SRGAP2B: variants seen among roughly 807,000 people sequenced by gnomAD.
SRGAP2B encodes SLIT-ROBO Rho GTPase-activating protein 2B.
In SRGAP2B, 9 loss-of-function variants were observed where a neutral mutation model predicts 22.2. That is an observed-to-expected ratio of 0.41 (90% CI 0.24 to 0.71). The LOEUF (loss-of-function observed/expected upper bound fraction) is 0.71, where lower values mean the gene tolerates loss of function less well. Ranked by LOEUF, SRGAP2B falls within the 30% of genes least tolerant of loss-of-function variation. SRGAP2B has a pLI of 0.35. For synonymous variants in SRGAP2B, 36 were observed against 87.4 expected, an observed-to-expected ratio of 0.41 and a Z score of 3.28; for missense variants, 114 against 235.8, an observed-to-expected ratio of 0.48 and a Z score of 3.38.
chr1:145,068,848 A>T (rs1651797015), intron 2 of SRGAP2B, among the ~76,000 whole-genome samples: 1 of 148,802 alleles, frequency 6.7e-6, no homozygotes, highest in Non-Finnish European at 1.5e-5. Context: ...TATAGAAATT[A>T]CAAATAGTTA....
At chr1:144,942,578 C>G (rs1666133829) in intron 4 of SRGAP2B, among the ~76,000 whole-genome samples, 1 of 150,498 alleles carries the variant, frequency 6.6e-6, no homozygotes, top group Non-Finnish European at 1.5e-5. Context: ...CACCACGACG[C>G]CTGGCTAATT....
At chr1:144,997,503 G>C (rs1264755273) in intron 2 of SRGAP2B, among the ~76,000 whole-genome samples, 1 of 149,858 alleles carries the variant, frequency 6.7e-6, no homozygotes, top group Non-Finnish European at 1.5e-5. Flanking sequence ...ATCAGTAACA[G>C]ATGTACAGGG....
At chr1:145,081,230 C>T (rs1217405846) in intron 2 of SRGAP2B, among the ~76,000 whole-genome samples, 6 of 148,340 alleles carry the variant, frequency 4.0e-5, no homozygotes, top group Non-Finnish European at 5.9e-5. Flanking sequence ...ATAATAGCAG[C>T]TACCTCACAG....
rs61822916 is a variant in SRGAP2B, at chr1:144,979,111, C to T, written c.260+15897G>A. 1.2e-3 allele frequency among the ~76,000 whole-genome samples: 175 copies of T among 151,848 alleles called. 1 individual carries two copies. The highest frequency in any genetic ancestry group is 1.7e-3 in the Non-Finnish European group (116 of 67,942). ...AGGCTGGAGTGCAGTGGCGCGATCT[C>T]GACTCACTGAAAGCTCCGCCTCCTG... On this transcript the variant is annotated intron_variant, in intron 3 of 9. Coordinates refer to ENST00000612199, the Ensembl canonical transcript of SRGAP2B.
At position 144,902,840 on chromosome 1, in the gene SRGAP2B, A is replaced by G. The variant is rs1279312620; in HGVS notation, c.831+2251T>C. Among the ~76,000 whole-genome samples the G allele has an allele frequency of 4.1e-3, 433 of 105,022 alleles. 11 individuals carry two copies. Among genetic ancestry groups the G allele is most frequent in the Middle Eastern group, 9.5e-3 (2 of 210 alleles). The allele number at this position is 105,022 out of a possible 152,430, so 68.9% of individuals were successfully genotyped here. A position where few individuals can be genotyped will look rare whatever the true frequency, so the allele number is the denominator to read the frequency against. On this transcript the variant is annotated intron_variant, in intron 7 of 9. Coordinates refer to ENST00000612199, the Ensembl canonical transcript of SRGAP2B. The stretch of plus-strand genomic sequence containing the variant: ...TTTGATCCCAGTGATCTAGACCCAC[A>G]CCCTGCCAAGTACTAAGGCAGCCTC...
chr1:145,063,007 G>A (rs1188019320), intron 2 of SRGAP2B, among the ~76,000 whole-genome samples: 14 of 150,234 alleles, frequency 9.3e-5, no homozygotes, highest in East Asian at 1.9e-4. Context: ...ACTTACTTGC[G>A]TTCTAAACTT....
intron 3 of SRGAP2B, chr1:144,964,960 AG>A (rs1268332730): frequency 7.7e-6 from 10 of 1,301,036 alleles, no homozygotes; most frequent in African/African-American, 1.5e-5. Flanking sequence ...GAGGACACAG[AG>A]CCGCGCCGCC....
chr1:145,013,041 C>A (rs1672173712), intron 2 of SRGAP2B, among the ~76,000 whole-genome samples: 1 of 150,834 alleles, frequency 6.6e-6, no homozygotes, highest in South Asian at 2.1e-4. Flanking sequence ...CGAGATCACA[C>A]CGCTGCACTC....
intron 2 of SRGAP2B, among the ~76,000 whole-genome samples, chr1:145,012,976 A>G (rs1365615086): frequency 6.6e-6 from 1 of 150,512 alleles, no homozygotes; most frequent in Non-Finnish European, 1.5e-5. Context: ...CCAGCTACTC[A>G]GGAAGCCAAG....
chr1:145,036,196 CTT>C (rs587722606), intron 2 of SRGAP2B, among the ~76,000 whole-genome samples: 5 of 104,790 alleles, frequency 4.8e-5, no homozygotes, highest in Admixed American at 9.4e-5. Flanking sequence ...GCCAGACAAG[CTT>C]TTTTTTTTTT....
intron 3 of SRGAP2B, among the ~76,000 whole-genome samples, chr1:144,959,132 G>GT (rs1667490118): frequency 6.7e-6 from 1 of 149,586 alleles, no homozygotes. Flanking sequence ...CAGCAGCAAG[G>GT]TTCAATCACA....
intron 2 of SRGAP2B, among the ~76,000 whole-genome samples, chr1:145,015,528 G>T (rs1442497667): frequency 7.0e-6 from 1 of 143,596 alleles, no homozygotes; most frequent in Non-Finnish European, 1.5e-5. Flanking sequence ...AGAAGTAATT[G>T]CAATGTAAAA....
intron 3 of SRGAP2B, among the ~76,000 whole-genome samples, chr1:144,957,185 CA>C (rs2101943328): frequency 6.6e-6 from 1 of 151,076 alleles, no homozygotes; most frequent in Admixed American, 6.6e-5. Flanking sequence ...ACTCCTACTA[CA>C]AGGAAAGTGA....
At chr1:144,997,235 T>C (rs587697403) in intron 2 of SRGAP2B, among the ~76,000 whole-genome samples, 1 of 150,762 alleles carries the variant, frequency 6.6e-6, no homozygotes, top group East Asian at 1.9e-4. Flanking sequence ...GAGACCATCA[T>C]GGCTAACATG....
At chr1:144,962,954 T>A (rs1325817419) in intron 3 of SRGAP2B, among the ~76,000 whole-genome samples, 2 of 151,538 alleles carry the variant, frequency 1.3e-5, no homozygotes, top group Non-Finnish European at 2.9e-5. Flanking sequence ...ATGGCTTTCC[T>A]GCTCCTAAAC....
In SRGAP2B at chr1:144,969,975, A is replaced by G. The variant is rs1246546976; in HGVS notation, c.261-14374T>C. ...TCATCTCACACCAGTTAGAATGGCA[A>G]TCATTAAAAAGTCAGGAAACAACAG... On this transcript the variant is annotated intron_variant, in intron 3 of 9. Coordinates refer to ENST00000612199, the Ensembl canonical transcript of SRGAP2B. Among the ~76,000 whole-genome samples, 37 of 150,750 alleles carry G rather than the reference A, an allele frequency of 2.5e-4. 2 individuals carry two copies. Among genetic ancestry groups the G allele is most frequent in the African/African-American group, 8.9e-4 (36 of 40,262 alleles).
intron 4 of SRGAP2B, among the ~76,000 whole-genome samples, chr1:144,954,526 G>A (rs1194788045): frequency 6.7e-6 from 1 of 150,292 alleles, no homozygotes; most frequent in Non-Finnish European, 1.5e-5. Flanking sequence ...TTGCCTTCTG[G>A]AAAGTCTTCC....
At chr1:144,922,658 T>C (rs1274466567) in intron 4 of SRGAP2B, among the ~76,000 whole-genome samples, 1 of 150,346 alleles carries the variant, frequency 6.7e-6, no homozygotes, top group Non-Finnish European at 1.5e-5. Context: ...TTCCTCCAGA[T>C]AGATTAAACA....
At chr1:145,039,431 T>C (rs1256942888) in intron 2 of SRGAP2B, among the ~76,000 whole-genome samples, 2 of 128,578 alleles carry the variant, frequency 1.6e-5, no homozygotes, top group Non-Finnish European at 3.3e-5. Context: ...GCTATGATCA[T>C]GCCATCACAC....
Sources: allele counts gnomAD v4.1 joint callset (sites outside exome capture counted in the v4.1 genomes callset), GRCh38; gene constraint gnomAD v4.1.1; transcripts MANE v1.5; gene names NCBI Gene and HGNC (gene_info 2026-07-23, HGNC 2026-07-21).